FLACC1: variants seen among roughly 807,000 people sequenced by gnomAD.
FLACC1 encodes the protein flagellum-associated coiled-coil domain-containing protein 1.
FLACC1 carries 66 observed loss-of-function variants against 62.8 expected under a neutral mutation model. The observed-to-expected ratio is 1.05, with a 90% CI of 0.86 to 1.29. The LOEUF (loss-of-function observed/expected upper bound fraction) is 1.29. Ranked by LOEUF, FLACC1 falls within the 50% of genes most tolerant of loss-of-function variation. FLACC1 has a pLI of 0.00. For missense variants in FLACC1, 452 were observed against 489.1 expected (o/e 0.92, Z 0.71); for synonymous variants, 156 against 161.0 (o/e 0.97, Z 0.24).
intron 12 of FLACC1, among the ~76,000 whole-genome samples, chr2:201,294,164 C>T (rs1310932904): frequency 3.3e-5 from 5 of 152,162 alleles, no homozygotes; most frequent in African/African-American, 1.2e-4. Context: ...CTCCCTAACT[C>T]ATTTTATGAG....
intron 12 of FLACC1, among the ~76,000 whole-genome samples, chr2:201,295,797 A>T (rs1949847809): frequency 6.6e-6 from 1 of 152,214 alleles, no homozygotes; most frequent in African/African-American, 2.4e-5. Context: ...ATCTACAATG[A>T]ACTCAAACAA....
intron 9 of FLACC1, among the ~76,000 whole-genome samples, chr2:201,329,310 T>C (rs1249327876): frequency 6.6e-6 from 1 of 151,908 alleles, no homozygotes; most frequent in Admixed American, 6.6e-5. Flanking sequence ...GCTGGTGAGG[T>C]TGGAGGAAAA....
intron 12 of FLACC1, among the ~76,000 whole-genome samples, chr2:201,291,186 C>G (rs1395144789): frequency 1.3e-5 from 2 of 152,196 alleles, no homozygotes; most frequent in African/African-American, 4.8e-5. Context: ...TAATGGTTCT[C>G]CCAGCACGCA....
In FLACC1 at chr2:201,351,340, A is replaced by T. The variant is rs1404447106; in HGVS notation, c.65T>A (p.Leu22Gln). 1.2e-6 allele frequency: 2 copies of T among 1,614,082 alleles called. No homozygotes were observed. The highest frequency in any genetic ancestry group is 2.7e-5 in the African/African-American group (2 of 74,928). The change falls in exon 2 of 15, where the codon CTA becomes CAA. Residue 22 changes from leucine (L) to glutamine (Q), a missense_variant. Transcript: ENST00000392257. ...WDPWNLGPRK[L>Q]IKTPQLPRKN... ...GCGTGGTAGTTGAGGGGTCTTGATT[A>T]GCTTCCGTGGTCCCAAGTTCCAGGG...
At position 201,307,584 on chromosome 2, in the gene FLACC1, C is replaced by A; in HGVS notation, c.814G>T (p.Glu272Ter). The A allele has an allele frequency of 1.9e-6, 3 of 1,614,196 alleles. No individual in the cohort carries two copies. The highest frequency in any genetic ancestry group is 2.5e-6 in the Non-Finnish European group (3 of 1,180,004). The change falls in exon 11 of 15, where the codon GAA (glutamate) becomes TAA (stop). Residue 272 changes from glutamate (E) to a stop codon, truncating the protein, a stop_gained. Transcript: ENST00000392257. LOFTEE classifies it high-confidence loss of function. ...GATTCATTTATTTTCTTATCTTCTT[C>A]TCCTGACTCCATTTCGAATTTTTTG... ...MTKKFEMESG[E>*]EDKKINESCS... is the part of the protein sequence containing the mutation.
chr2:201,346,656 G>C lies in FLACC1; in HGVS notation c.254C>G (p.Pro85Arg). 1 of 1,614,208 alleles carries C rather than the reference G, an allele frequency of 6.2e-7. No individual in the cohort carries two copies. Among genetic ancestry groups the C allele is most frequent in the East Asian group, 2.2e-5 (1 of 44,894 alleles). The stretch of plus-strand genomic sequence containing the variant: ...CCGATTCCGAACAAGTTGATAGCCA[G>C]GTGACACGTTGATCACTTCCTAGGC... ...KSFYEVINVS[P>R]GYQLVRNREQ... The change falls in exon 5 of 15, where the codon CCT (proline) becomes CGT (arginine). Residue 85 changes from proline to arginine, a missense_variant. This residue lies in a region of FLACC1 where 147 missense variants were observed against 152.7 expected (regional missense o/e 0.96). Coordinates refer to ENST00000392257, the MANE Select transcript of FLACC1 (RefSeq NM_001127391.3). This position sits in a 1 kb window ranked among gnomAD's most constrained non-coding sequence, Gnocchi z 4.0.
At chr2:201,341,394 T>TATATATATATATATAAATC (rs58950649) in intron 7 of FLACC1, among the ~76,000 whole-genome samples, 1 of 35,098 alleles carries the variant, frequency 2.8e-5, no homozygotes, top group Non-Finnish European at 6.2e-5. Flanking sequence ...ATAAGATTCA[T>TATATATATATATATAAATC]ATATATATAT....
At chr2:201,296,192 G>C (rs532150075) in intron 12 of FLACC1, among the ~76,000 whole-genome samples, 45 of 152,212 alleles carry the variant, frequency 3.0e-4, no homozygotes, top group African/African-American at 1.0e-3. Flanking sequence ...AAATCATGCT[G>C]CTATAAAGAC....
intron 9 of FLACC1, among the ~76,000 whole-genome samples, chr2:201,321,633 G>A (rs1046434348): frequency 6.6e-5 from 10 of 152,152 alleles, no homozygotes; most frequent in African/African-American, 2.4e-4. Flanking sequence ...GTTCAAGCTT[G>A]TATGAGAGAC....
chr2:201,301,510 G>C (rs556924239), intron 11 of FLACC1, among the ~76,000 whole-genome samples: 1 of 152,280 alleles, frequency 6.6e-6, no homozygotes, highest in South Asian at 2.1e-4. Context: ...ACACTCTGCA[G>C]GATATTATCC....
intron 10 of FLACC1, 73 bp downstream of exon 10, chr2:201,309,078 C>T: frequency 7.4e-7 from 1 of 1,342,284 alleles, no homozygotes; most frequent in Non-Finnish European, 1.1e-6. Context: ...CCACCTTCCT[C>T]AAGTCAAGAC....
chr2:201,346,536 C>A lies in FLACC1; in HGVS notation c.368+6G>T. The A allele has an allele frequency of 6.2e-7, 1 of 1,613,544 alleles. No individual in the cohort carries two copies. Reference sequence around the variant, plus strand: ...AAGCAGCTGCATGTTGCTGCAACAGCATTACCTGGAAAATCTGCCTTTGTC... The same window carrying A: ...AAGCAGCTGCATGTTGCTGCAACAGAATTACCTGGAAAATCTGCCTTTGTC... On this transcript the variant is annotated splice_donor_region_variant and intron_variant, in intron 5 of 14. Coordinates refer to ENST00000392257, the MANE Select transcript of FLACC1 (RefSeq NM_001127391.3). The surrounding 1 kb of genome is among the most constrained non-coding windows in gnomAD (Gnocchi z 4.0).
At chr2:201,299,369 G>C in intron 11 of FLACC1, 69 bp from the exon 12 acceptor site, 1 of 1,256,920 alleles carries the variant, frequency 8.0e-7, no homozygotes, top group South Asian at 1.3e-5. Context: ...AGTTAAGAAA[G>C]CCAGACTAGG....
At position 201,316,519 on chromosome 2, in the gene FLACC1, T is replaced by A. The variant is rs755599363; in HGVS notation, c.676-7269A>T. ...CTAGCTTAAATCAGGAAGAATTAGA[T>A]ACCCCGAACAGACCAATAACAAGCA... On this transcript the variant is annotated intron_variant, in intron 9 of 14. Transcript: ENST00000392257. 1.1e-3 allele frequency among the ~76,000 whole-genome samples: 166 copies of A among 151,946 alleles called. 2 individuals carry two copies. Among genetic ancestry groups the A allele is most frequent in the Admixed American group, 1.7e-3 (26 of 15,254 alleles).
At chr2:201,307,382 C>T (rs1950127067) in intron 11 of FLACC1, 137 bp downstream of exon 11, 5 of 691,748 alleles carry the variant, frequency 7.2e-6, no homozygotes, top group Non-Finnish European at 5.1e-6. Context: ...TATTTGCATA[C>T]ATTTCCAGAA....
chr2:201,314,419 T>C (rs1186154964), intron 9 of FLACC1, among the ~76,000 whole-genome samples: 10 of 152,132 alleles, frequency 6.6e-5, no homozygotes, highest in African/African-American at 2.2e-4. Context: ...AGCAATAGAA[T>C]TGAGCAAGCA....
At position 201,344,222 on chromosome 2, in the gene FLACC1, A is replaced by G. The variant is rs1199859083; in HGVS notation, c.410T>C (p.Leu137Pro). ...GTTCATTTGTTCAATTATTGCTGTC[A>G]GCTCTGAGATTTGCTCTTCTAGGTC... ...ISDLEEQISE[L>P]TAIIEQMNRD... The change falls in exon 6 of 15, where the codon CTG (leucine) becomes CCG (proline). Residue 137 changes from leucine (L) to proline (P), a missense_variant. Leu to Pro is a moderately conservative substitution (Grantham distance 98). This residue lies in a region of FLACC1 where 4 missense variants were observed against 18.0 expected (regional missense o/e 0.22). Coordinates refer to ENST00000392257, the MANE Select transcript of FLACC1 (RefSeq NM_001127391.3). The G allele has an allele frequency of 6.2e-7, 1 of 1,613,996 alleles. No homozygotes were observed. The highest frequency in any genetic ancestry group is 2.2e-5 in the East Asian group (1 of 44,882).
chr2:201,337,733 G>A (rs1006997535), intron 7 of FLACC1, among the ~76,000 whole-genome samples: 4 of 151,946 alleles, frequency 2.6e-5, no homozygotes, highest in African/African-American at 7.3e-5. Context: ...ATGTTGTGCA[G>A]GCTAGTCTGA....
chr2:201,309,178 C>G lies in FLACC1; in HGVS notation c.748G>C (p.Glu250Gln), dbSNP rs377145516. Residue 250 changes from glutamate to glutamine, a missense_variant, in exon 10 of 15, where the codon GAG becomes CAG. Transcript: ENST00000392257. ...TGCTGTAGCAGGATATTTTCTCGCT[C>G]GAACTTCTCATCCTTCTTCCATTTC... is the stretch of plus-strand genomic sequence containing the variant. ...KAKWKKDEKF[E>Q]RENILLQQKK... 90 of 1,613,818 alleles carry G rather than the reference C, an allele frequency of 5.6e-5. No individual in the cohort carries two copies. The highest frequency in any genetic ancestry group is 7.6e-5 in the Non-Finnish European group (90 of 1,179,852).
Sources: allele counts gnomAD v4.1 joint callset (sites outside exome capture counted in the v4.1 genomes callset), GRCh38; gene constraint gnomAD v4.1.1; regional missense constraint gnomAD v4.1.1; non-coding constraint Gnocchi (gnomAD v3.1); transcripts MANE v1.5; gene names NCBI Gene and HGNC (gene_info 2026-07-23, HGNC 2026-07-21).